The following TDRD9 variants were observed in gnomAD, a reference collection of about 807,000 sequenced individuals.
TDRD9 encodes the protein ATP-dependent RNA helicase TDRD9.
In TDRD9, 124 loss-of-function variants were observed where a neutral mutation model predicts 172.6. The ratio of observed to expected loss-of-function variants is 0.72; its 90% CI spans 0.62 to 0.83. TDRD9 has a LOEUF of 0.83. TDRD9 is among the 40% of genes least tolerant of loss of function. The pLI is 0.00. For synonymous variants in TDRD9, 619 were observed against 617.1 expected (o/e 1.00, Z -0.05); for missense variants, 1,479 against 1,714.1 (o/e 0.86, Z 2.42).
In TDRD9 at chr14:104,032,211, TTTTC is replaced by T. The variant is rs1488847691; in HGVS notation, c.3509+128_3509+131del. 8.2e-4 allele frequency: 506 copies of T among 618,462 alleles called. 1 individual carries two copies. The highest frequency in any genetic ancestry group is 6.6e-3 in the African/African-American group (338 of 51,536). 38.3% of individuals were successfully genotyped at this position (618,462 alleles called of 1,614,324 possible). A position where few individuals can be genotyped will look rare whatever the true frequency, so the allele number is the denominator to read the frequency against. ...ATGTGTTATCTTTTCTTTTCTTTTC[TTTTC>T]TTTTTTTTTGAGACAGAGTCTCATT... On this transcript the variant is annotated intron_variant, in intron 30 of 35. Coordinates refer to ENST00000409874, the MANE Select transcript of TDRD9 (RefSeq NM_153046.3).
At chr14:104,030,343 T>A (rs1343038594) in intron 28 of TDRD9, among the ~76,000 whole-genome samples, 1 of 151,956 alleles carries the variant, frequency 6.6e-6, no homozygotes, top group Non-Finnish European at 1.5e-5. Context: ...AAATACAAAA[T>A]TAGCTGGGCA....
At chr14:103,952,188 GTGTATATA>G (rs1210275092) in intron 1 of TDRD9, among the ~76,000 whole-genome samples, 4,295 of 56,558 alleles carry the variant, frequency 0.076, 170 homozygotes, top group Non-Finnish European at 0.1. Context: ...GTGCGTGTGT[GTGTATATA>G]TATATATATA....
intron 1 of TDRD9, among the ~76,000 whole-genome samples, chr14:103,940,239 C>T (rs1042818153): frequency 1.4e-4 from 22 of 152,110 alleles, no homozygotes; most frequent in African/African-American, 4.8e-4. Context: ...TTTTATTACA[C>T]GTTCCCTTAA....
chr14:104,020,337 TG>T (rs1248701972), intron 23 of TDRD9, among the ~76,000 whole-genome samples: 2 of 152,004 alleles, frequency 1.3e-5, no homozygotes, highest in Non-Finnish European at 2.9e-5. Flanking sequence ...CTGTTGGACA[TG>T]AAAAGGAGCC....
chr14:103,945,816 G>C lies in TDRD9; in HGVS notation c.216-9848G>C, dbSNP rs955697601. Among the ~76,000 whole-genome samples, 84 of 152,226 alleles carry C rather than the reference G, an allele frequency of 5.5e-4. 2 individuals carry two copies. Among genetic ancestry groups the C allele is most frequent in the Non-Finnish European group, 8.8e-5 (6 of 68,006 alleles). ...GGAAGTACATAAAAAGAAAAGTTTAGAAAGACAAAATTTTGGAACCTTGAA... is the reference window on the plus strand; with the variant it reads ...GGAAGTACATAAAAAGAAAAGTTTACAAAGACAAAATTTTGGAACCTTGAA... On this transcript the variant is annotated intron_variant, in intron 1 of 35. Coordinates refer to ENST00000409874, the MANE Select transcript of TDRD9 (RefSeq NM_153046.3).
At chr14:103,986,589 CAT>C (rs1285128412) in intron 8 of TDRD9, among the ~76,000 whole-genome samples, 1 of 152,130 alleles carries the variant, frequency 6.6e-6, no homozygotes, top group Non-Finnish European at 1.5e-5. Flanking sequence ...TTTTTCCAGA[CAT>C]ATAGGGGTCT....
At chr14:103,949,226 C>T (rs1273258892) in intron 1 of TDRD9, among the ~76,000 whole-genome samples, 3 of 152,254 alleles carry the variant, frequency 2.0e-5, no homozygotes, top group East Asian at 1.9e-4. Flanking sequence ...TTTAGGACAG[C>T]AGCTTCCATT....
intron 3 of TDRD9, among the ~76,000 whole-genome samples, chr14:103,964,934 A>G (rs1234878734): frequency 6.6e-6 from 1 of 152,020 alleles, no homozygotes; most frequent in Non-Finnish European, 1.5e-5. Flanking sequence ...ACTTTAAGCA[A>G]TTTGGGAAAT....
intron 2 of TDRD9, among the ~76,000 whole-genome samples, chr14:103,957,685 T>TG (rs1338423169): frequency 1.3e-5 from 2 of 152,236 alleles, no homozygotes; most frequent in Non-Finnish European, 2.9e-5. Context: ...CATCATCTAA[T>TG]ACTTCTGTTT....
Position 104,052,314 on chromosome 14 carries a change from T to C in TDRD9, c.*232T>C. ...GTCTTTTCTAGAAACAGAAAATCAC[T>C]GTATTAAATATTTTGGAAAGATTGT... On this transcript the variant is annotated 3_prime_UTR_variant, in exon 36 of 36. Coordinates refer to ENST00000409874, the MANE Select transcript of TDRD9 (RefSeq NM_153046.3). The C allele has an allele frequency of 3.0e-6, 1 of 329,046 alleles. No homozygotes were observed. The allele number at this position is 329,046 out of a possible 1,614,324, so 20.4% of individuals were successfully genotyped here.
Position 103,970,566 on chromosome 14 carries a change from A to G in TDRD9, c.791A>G (p.Asp264Gly). 2 of 1,551,690 alleles carry G rather than the reference A, an allele frequency of 1.3e-6. No individual in the cohort carries two copies. The highest frequency in any genetic ancestry group is 1.7e-6 in the Non-Finnish European group (2 of 1,146,942). The change falls in exon 6 of 36, where the codon GAT becomes GGT. Residue 264 changes from aspartate to glycine, a missense_variant. Physicochemically the swap from Asp to Gly is moderately conservative, Grantham distance 94 (BLOSUM62 -1). This residue lies in a region of TDRD9 where 1,413 missense variants were observed against 1,649.1 expected (regional missense o/e 0.86). Coordinates refer to ENST00000409874, the MANE Select transcript of TDRD9 (RefSeq NM_153046.3). ...DEVHERTEEM[D>G]FLLLVVRKLL... ...GTACACGAACGAACAGAAGAAATGG[A>G]TTTCCTGCTATTGGTAGTCCGCAAA...
chr14:103,965,623 T>C, intron 4 of TDRD9, 69 bp downstream of exon 4: 2 of 1,389,180 alleles, frequency 1.4e-6, no homozygotes, highest in Non-Finnish European at 2.0e-6. Flanking sequence ...TTATTAAGTT[T>C]TTTTCTGTGT....
intron 1 of TDRD9, among the ~76,000 whole-genome samples, chr14:103,938,438 A>ATTTTTT (rs1354196439): frequency 3.5e-3 from 144 of 41,730 alleles, no homozygotes; most frequent in Admixed American, 3.6e-3. Flanking sequence ...ATATATATAT[A>ATTTTTT]TATTTTTTTT....
Position 103,959,503 on chromosome 14 carries a change from CA to C in TDRD9, c.323-3575del, listed in dbSNP as rs1168351715. Among the ~76,000 whole-genome samples the C allele has an allele frequency of 4.8e-3, 591 of 124,174 alleles. 3 individuals carry two copies. Among genetic ancestry groups the C allele is most frequent in the African/African-American group, 0.018 (573 of 32,260 alleles). The allele number at this position is 124,174 out of a possible 152,430, so 81.5% of individuals were successfully genotyped here. Reference sequence around the variant, plus strand: ...GTGTATGTATACATACACACACACACACACAGACACAAAGCTATTTCTATGT... The same window carrying C: ...GTGTATGTATACATACACACACACACCACAGACACAAAGCTATTTCTATGT... On this transcript the variant is annotated intron_variant, in intron 2 of 35. Transcript: ENST00000409874.
chr14:103,938,875 A>G (rs1019429937), intron 1 of TDRD9, among the ~76,000 whole-genome samples: 3 of 152,226 alleles, frequency 2.0e-5, no homozygotes, highest in Admixed American at 1.3e-4. Context: ...TTTTCCAGAA[A>G]TAACTACAGT....
chr14:104,033,019 G>A (rs1423701109), intron 30 of TDRD9, among the ~76,000 whole-genome samples: 1 of 150,444 alleles, frequency 6.6e-6, no homozygotes, highest in Non-Finnish European at 1.5e-5. Context: ...TTGAGAGTTT[G>A]CACGTGTAAC....
chr14:103,967,936 G>C (rs1438535828), intron 5 of TDRD9, among the ~76,000 whole-genome samples: 2 of 152,168 alleles, frequency 1.3e-5, no homozygotes, highest in Non-Finnish European at 2.9e-5. Context: ...TACATAAAAG[G>C]AAACTAAAGT....
intron 1 of TDRD9, among the ~76,000 whole-genome samples, chr14:103,930,699 C>T (rs10467890): frequency 0.43 from 65,538 of 151,900 alleles, 14,380 homozygotes; most frequent in Admixed American, 0.51. Context: ...GCACACTTTA[C>T]TTCCTTGAGC....
At chr14:103,993,419 A>G (rs562962323) in intron 9 of TDRD9, among the ~76,000 whole-genome samples, 4 of 152,318 alleles carry the variant, frequency 2.6e-5, no homozygotes, top group Admixed American at 6.5e-5. Flanking sequence ...TTATGTGTCA[A>G]TTGATCTTTT....
Sources: allele counts gnomAD v4.1 joint callset (sites outside exome capture counted in the v4.1 genomes callset), GRCh38; gene constraint gnomAD v4.1.1; regional missense constraint gnomAD v4.1.1; transcripts MANE v1.5; gene names NCBI Gene and HGNC (gene_info 2026-07-23, HGNC 2026-07-21).